The following CCSER1 variants were observed in gnomAD, a reference collection of about 807,000 sequenced individuals.
The protein encoded by CCSER1 is serine-rich coiled-coil domain-containing protein 1.
CCSER1 carries 41 observed loss-of-function variants against 82.0 expected under a neutral mutation model. The ratio of observed to expected loss-of-function variants is 0.50; its 90% confidence interval spans 0.39 to 0.65. The LOEUF is 0.65. CCSER1 is among the 30% of genes least tolerant of loss of function. The pLI is 0.00. For synonymous variants in CCSER1, 414 were observed against 383.9 expected (o/e 1.08, Z -0.92); for missense variants, 1,119 against 1,064.2 (o/e 1.05, Z -0.72).
At chr4:91,312,487 T>C (rs1186801960) in intron 10 of CCSER1, among the ~76,000 whole-genome samples, 3 of 151,846 alleles carry the variant, frequency 2.0e-5, no homozygotes, top group Non-Finnish European at 4.4e-5. Context: ...GTTAGCATCA[T>C]CCCTGCTTTC....
intron 1 of CCSER1, among the ~76,000 whole-genome samples, chr4:90,244,611 T>C (rs939442849): frequency 1.3e-5 from 2 of 152,148 alleles, no homozygotes; most frequent in African/African-American, 4.8e-5. Context: ...AGCAAGGACC[T>C]TCTTCACGTG....
chr4:91,429,590 T>C (rs1031325655), intron 10 of CCSER1, among the ~76,000 whole-genome samples: 3 of 151,950 alleles, frequency 2.0e-5, no homozygotes, highest in African/African-American at 4.8e-5. Flanking sequence ...TGTAAACATT[T>C]TGAAGCAAAC....
At chr4:90,467,104 T>C (rs926652959) in intron 4 of CCSER1, among the ~76,000 whole-genome samples, 1 of 152,090 alleles carries the variant, frequency 6.6e-6, no homozygotes, top group African/African-American at 2.4e-5. Context: ...AGAATATGCG[T>C]GGGCCGGGTG....
At chr4:91,242,971 C>T (rs889997652) in intron 10 of CCSER1, among the ~76,000 whole-genome samples, 1 of 152,126 alleles carries the variant, frequency 6.6e-6, no homozygotes, top group African/African-American at 2.4e-5. Context: ...ATCACAGTAC[C>T]TGATTTTAAC....
chr4:90,696,861 A>G (rs2149258609), intron 6 of CCSER1, among the ~76,000 whole-genome samples: 1 of 152,268 alleles, frequency 6.6e-6, no homozygotes, highest in Non-Finnish European at 1.5e-5. Flanking sequence ...TTGAAATCAA[A>G]CAGCCTGAGA....
Position 91,516,870 on chromosome 4 carries a change from C to T in CCSER1, c.2218-81702C>T, listed in dbSNP as rs1468165632. ...GTTTTCCCATTTGTTTGTGTCATCT[C>T]TGATTTCTCGGAAGAGTATTTTGTA... is the stretch of plus-strand genomic sequence containing the variant. On this transcript the variant is annotated intron_variant, in intron 10 of 10. Coordinates refer to ENST00000509176, the MANE Select transcript of CCSER1 (RefSeq NM_001145065.2). 3.9e-5 allele frequency among the ~76,000 whole-genome samples: 6 copies of T among 152,144 alleles called. No homozygotes were observed. The East Asian group carries it at 1.2e-3, about 29-fold the overall frequency.
chr4:91,091,015 C>T (rs1274128011), intron 10 of CCSER1, among the ~76,000 whole-genome samples: 1 of 152,184 alleles, frequency 6.6e-6, no homozygotes, highest in Non-Finnish European at 1.5e-5. Flanking sequence ...GGATCTTCTT[C>T]ATCCTTTTCC....
chr4:91,170,778 G>T (rs1341260595), intron 10 of CCSER1, among the ~76,000 whole-genome samples: 1 of 152,130 alleles, frequency 6.6e-6, no homozygotes, highest in Non-Finnish European at 1.5e-5. Flanking sequence ...TGCAACACAT[G>T]CCTGGAACCT....
chr4:90,723,591 T>A (rs1475328156), intron 6 of CCSER1, among the ~76,000 whole-genome samples: 1 of 151,806 alleles, frequency 6.6e-6, no homozygotes, highest in Non-Finnish European at 1.5e-5. Context: ...AGATACAGTT[T>A]AATTTAAAAA....
chr4:91,048,332 A>AT (rs1232319950), intron 9 of CCSER1, among the ~76,000 whole-genome samples: 1 of 151,122 alleles, frequency 6.6e-6, no homozygotes, highest in Non-Finnish European at 1.5e-5. Flanking sequence ...CCTTCCCTTC[A>AT]TTTTTTTCCT....
At chr4:90,460,007 C>A (rs62312946) in intron 4 of CCSER1, among the ~76,000 whole-genome samples, 13,785 of 151,908 alleles carry the variant, frequency 0.091, 915 homozygotes, top group African/African-American at 0.18. Context: ...AATTTCACAA[C>A]GAAATATTTG....
At chr4:91,212,684 C>A (rs199633588) in intron 10 of CCSER1, among the ~76,000 whole-genome samples, 3 of 151,970 alleles carry the variant, frequency 2.0e-5, no homozygotes, top group Non-Finnish European at 4.4e-5. Context: ...TTAAATTAAC[C>A]CACAAAGAAA....
At chr4:91,553,084 T>G (rs1762236914) in intron 10 of CCSER1, among the ~76,000 whole-genome samples, 1 of 151,650 alleles carries the variant, frequency 6.6e-6, no homozygotes. Context: ...CTACACTTAA[T>G]TTTTTGAGTA....
chr4:90,790,682 A>G (rs758383957), intron 7 of CCSER1, among the ~76,000 whole-genome samples: 13 of 152,200 alleles, frequency 8.5e-5, no homozygotes, highest in Non-Finnish European at 2.9e-5. Flanking sequence ...AGACCACTTC[A>G]GCTTGCACTT....
chr4:91,465,506 G>A (rs1399655031), intron 10 of CCSER1, among the ~76,000 whole-genome samples: 1 of 152,076 alleles, frequency 6.6e-6, no homozygotes, highest in Admixed American at 6.6e-5. Context: ...TAAGATCAGA[G>A]CAGAACTGAA....
intron 7 of CCSER1, among the ~76,000 whole-genome samples, chr4:90,753,936 C>T (rs911973569): frequency 7.2e-5 from 11 of 152,072 alleles, no homozygotes; most frequent in Non-Finnish European, 1.0e-4. Context: ...TGTTTTCTTC[C>T]GTCTGTATCA....
chr4:90,596,061 A>G (rs954243500), intron 5 of CCSER1, among the ~76,000 whole-genome samples: 6 of 151,892 alleles, frequency 4.0e-5, no homozygotes, highest in African/African-American at 7.2e-5. Flanking sequence ...TTGCATTTCT[A>G]TTATATTCTC....
At chr4:90,833,975 A>G (rs2149834042) in intron 8 of CCSER1, among the ~76,000 whole-genome samples, 1 of 152,228 alleles carries the variant, frequency 6.6e-6, no homozygotes, top group South Asian at 2.1e-4. Flanking sequence ...CCATGGGGTG[A>G]TGCATACCAG....
chr4:91,415,457 G>A (rs904456451), intron 10 of CCSER1, among the ~76,000 whole-genome samples: 2 of 152,028 alleles, frequency 1.3e-5, no homozygotes, highest in East Asian at 3.9e-4. Context: ...TGTTGATTAA[G>A]CATGGTAAGG....
Sources: gnomAD v4.1 joint callset for allele counts (sites outside exome capture counted in the v4.1 genomes callset) on GRCh38, gnomAD v4.1.1 for gene constraint, MANE v1.5 for transcripts, NCBI Gene and HGNC (gene_info 2026-07-23, HGNC 2026-07-21) for gene names.